MGAM2: variants seen among roughly 807,000 people sequenced by gnomAD.
MGAM2 encodes maltase-glucoamylase 2 (putative).
MGAM2 carries 98 observed loss-of-function variants against 96.1 expected under a neutral mutation model. That is an observed-to-expected ratio of 1.02 (90% CI 0.87 to 1.21). The LOEUF (loss-of-function observed/expected upper bound fraction) is 1.21, where lower values mean the gene tolerates loss of function less well. Among genes scored for constraint, MGAM2 ranks in the 50% most tolerant of loss-of-function variants. The pLI is 0.00. For missense variants in MGAM2, 2,055 were observed against 1,182.4 expected, an observed-to-expected ratio of 1.74 and a Z score of -10.82; for synonymous variants, 749 against 414.8, an observed-to-expected ratio of 1.81 and a Z score of -9.79.
chr7:142,128,712 T>G (rs1794797250), intron 3 of MGAM2, among the ~76,000 whole-genome samples: 1 of 152,136 alleles, frequency 6.6e-6, no homozygotes, highest in South Asian at 2.1e-4. Context: ...TGCATAGAAG[T>G]CAAGCACCGA....
At chr7:142,197,961 A>AC (rs72584761) in intron 42 of MGAM2, among the ~76,000 whole-genome samples, 178 bp from the exon 43 acceptor site, 113,167 of 152,056 alleles carry the variant, frequency 0.74, 42,398 homozygotes, top group African/African-American at 0.83. Flanking sequence ...TTTTAAAAAT[A>AC]GTTTTTTCTG....
At chr7:142,131,111 T>C in intron 4 of MGAM2, 40 bp downstream of exon 4, 1 of 694,048 alleles carries the variant, frequency 1.4e-6, no homozygotes, top group East Asian at 2.7e-5. Context: ...AACAACTCCT[T>C]ATGGCCCAGA....
intron 31 of MGAM2, among the ~76,000 whole-genome samples, chr7:142,174,110 C>T (rs1252245918): frequency 2.0e-5 from 3 of 152,140 alleles, no homozygotes; most frequent in Admixed American, 6.5e-5. Flanking sequence ...AGGGGGATCA[C>T]CTGATGCCTC....
At chr7:142,194,688 A>ATG (rs1491431748) in intron 37 of MGAM2, among the ~76,000 whole-genome samples, 1,174 of 112,220 alleles carry the variant, frequency 0.01, 18 homozygotes, top group African/African-American at 0.04. Flanking sequence ...TTAATAGAAC[A>ATG]TGTGTGTATG....
At chr7:142,217,494 A>G (rs1362507872) in intron 46 of MGAM2, among the ~76,000 whole-genome samples, 1 of 152,234 alleles carries the variant, frequency 6.6e-6, no homozygotes, top group Non-Finnish European at 1.5e-5. Flanking sequence ...TATAGGGAAA[A>G]TAACTTTCAT....
At chr7:142,178,133 A>G (rs1012212479) in intron 32 of MGAM2, among the ~76,000 whole-genome samples, 1 of 151,910 alleles carries the variant, frequency 6.6e-6, no homozygotes, top group Non-Finnish European at 1.5e-5. Flanking sequence ...CATTTTTTCA[A>G]ATGTTTGTTA....
intron 3 of MGAM2, among the ~76,000 whole-genome samples, chr7:142,122,027 T>G (rs2129074598): frequency 6.6e-6 from 1 of 152,230 alleles, no homozygotes; most frequent in South Asian, 2.1e-4. Flanking sequence ...TTAGGAACCA[T>G]CTTTATATTC....
intron 32 of MGAM2, among the ~76,000 whole-genome samples, chr7:142,179,773 G>T (rs1017537495): frequency 2.0e-5 from 3 of 152,206 alleles, no homozygotes; most frequent in Non-Finnish European, 4.4e-5. Context: ...TTAGTCTTTT[G>T]TTGAGGATTT....
Position 142,139,922 on chromosome 7 carries a change from C to T in MGAM2, c.1087-880C>T, listed in dbSNP as rs537518204. ...TCCAATTCCAGGAAGAATTTTCTTC[C>T]GCAAATAGAATCTTTCCCTACATTT... On this transcript the variant is annotated intron_variant, in intron 10 of 47. Transcript: ENST00000477922. 6.1e-4 allele frequency among the ~76,000 whole-genome samples: 92 copies of T among 151,884 alleles called. 1 individual carries two copies. Among genetic ancestry groups the T allele is most frequent in the African/African-American group, 5.8e-4 (24 of 41,358 alleles).
intron 46 of MGAM2, among the ~76,000 whole-genome samples, chr7:142,211,507 G>A (rs1161527349): frequency 6.6e-6 from 1 of 152,152 alleles, no homozygotes; most frequent in East Asian, 1.9e-4. Context: ...ATGACCTGAT[G>A]GAGCTGAAAA....
At chr7:142,115,329 T>C (rs1817351541) in intron 1 of MGAM2, among the ~76,000 whole-genome samples, 1 of 152,258 alleles carries the variant, frequency 6.6e-6, no homozygotes, top group African/African-American at 2.4e-5. Context: ...GGCATCTCCC[T>C]TGAGTTACGT....
At chr7:142,122,835 G>A (rs540141767) in intron 3 of MGAM2, among the ~76,000 whole-genome samples, 23 of 151,856 alleles carry the variant, frequency 1.5e-4, no homozygotes, top group Admixed American at 1.4e-3. Context: ...TGTTTTTGTT[G>A]TTGTTGTTGT....
chr7:142,146,761 T>C (rs1158694384), intron 14 of MGAM2, among the ~76,000 whole-genome samples: 2 of 151,458 alleles, frequency 1.3e-5, no homozygotes, highest in African/African-American at 2.4e-5. Context: ...GTAGTCTCGC[T>C]CTGTCACCCA....
At chr7:142,127,634 C>A (rs1794765510) in intron 3 of MGAM2, among the ~76,000 whole-genome samples, 1 of 152,046 alleles carries the variant, frequency 6.6e-6, no homozygotes, top group Non-Finnish European at 1.5e-5. Flanking sequence ...CACTTTCCCC[C>A]ATACTGTTCT....
At chr7:142,117,257 G>C (rs1475274957) in intron 2 of MGAM2, among the ~76,000 whole-genome samples, 1 of 152,108 alleles carries the variant, frequency 6.6e-6, no homozygotes, top group Non-Finnish European at 1.5e-5. Flanking sequence ...CTTCAACCCA[G>C]AGTCATGAAG....
At chr7:142,159,622 G>A (rs1042995837) in intron 20 of MGAM2, among the ~76,000 whole-genome samples, 2 of 152,078 alleles carry the variant, frequency 1.3e-5, no homozygotes, top group Non-Finnish European at 2.9e-5. Context: ...TCTGGTGAAG[G>A]CCCTCTCTGC....
Position 142,196,160 on chromosome 7 carries a change from G to A in MGAM2, c.4353G>A (p.Val1451=), listed in dbSNP as rs1400814220. 1 of 1,171,498 alleles carries A rather than the reference G, an allele frequency of 8.5e-7. No individual in the cohort carries two copies. 72.6% of individuals were successfully genotyped at this position (1,171,498 alleles called of 1,614,324 possible). A position where few individuals can be genotyped will look rare whatever the true frequency, so the allele number is the denominator to read the frequency against. The change falls in exon 38 of 48, where the codon GTG becomes GTA. Residue 1451 remains valine (V), a synonymous_variant. Coordinates refer to ENST00000477922, the MANE Select transcript of MGAM2 (RefSeq NM_001293626.2). The stretch of plus-strand genomic sequence containing the variant: ...TTTATTCCCCTCCCACCAGAGCTGT[G>A]CAGGAGGTGACAGGACAGCGAGGGG... The part of the protein sequence containing the change: ...WSQTRPTYEA[V]QEVTGQRGVI...
chr7:142,196,828 G>A lies in MGAM2; in HGVS notation c.4632+12G>A, dbSNP rs1468423168. On this transcript the variant is annotated intron_variant, in intron 40 of 47. Transcript: ENST00000477922. ...ACATCGGGACAAGGGTGAGGCAGTA[G>A]TTCGTGCTCCAGGTGTTGTGTACCC... 1 of 772,834 alleles carries A rather than the reference G, an allele frequency of 1.3e-6. No homozygotes were observed. The highest frequency in any genetic ancestry group is 2.4e-5 in the East Asian group (1 of 41,072). The allele number at this position is 772,834 out of a possible 1,614,324, so 47.9% of individuals were successfully genotyped here. A position where few individuals can be genotyped will look rare whatever the true frequency, so the allele number is the denominator to read the frequency against.
chr7:142,114,162 G>GAAAGAAAGAA (rs1817287496), intron 1 of MGAM2, among the ~76,000 whole-genome samples: 2 of 93,066 alleles, frequency 2.1e-5, no homozygotes, highest in Non-Finnish European at 3.8e-5. Context: ...AGGAAAGAAA[G>GAAAGAAAGAA]AAAGAAAGAA....
Sources: allele counts gnomAD v4.1 joint callset (sites outside exome capture counted in the v4.1 genomes callset), GRCh38; gene constraint gnomAD v4.1.1; transcripts MANE v1.5; gene names NCBI Gene and HGNC (gene_info 2026-07-23, HGNC 2026-07-21).